The following KIDINS220 variants were observed in gnomAD, a reference collection of about 807,000 sequenced individuals.
The protein encoded by KIDINS220 is kinase D-interacting substrate of 220 kDa.
In KIDINS220, 63 loss-of-function variants were observed where a neutral mutation model predicts 157.6. The observed-to-expected ratio is 0.40, with a 90% CI of 0.33 to 0.49. KIDINS220 has a LOEUF of 0.49. Ranked by LOEUF, KIDINS220 falls within the 20% of genes least tolerant of loss-of-function variation. The pLI, the probability that KIDINS220 is intolerant of heterozygous loss-of-function variation, is 0.66. For missense variants in KIDINS220, 1,772 were observed against 2,171.2 expected (o/e 0.82, Z 3.65); for synonymous variants, 732 against 783.6 (o/e 0.93, Z 1.10).
chr2:8,758,381 G>C (rs1212990906), intron 22 of KIDINS220, among the ~76,000 whole-genome samples: 1 of 152,072 alleles, frequency 6.6e-6, no homozygotes, highest in Non-Finnish European at 1.5e-5. Flanking sequence ...CAATCCTCAG[G>C]AACAGATCCT....
chr2:8,769,370 T>C (rs1392795017), intron 22 of KIDINS220, among the ~76,000 whole-genome samples: 1 of 152,224 alleles, frequency 6.6e-6, no homozygotes, highest in East Asian at 1.9e-4. Context: ...TCTAAGAATC[T>C]AAAGCAGCCA....
chr2:8,806,436 ATGAATTTTAATAAAAATCTTACTT>A lies in KIDINS220; in HGVS notation c.505-91_505-68del, dbSNP rs559394008. On this transcript the variant is annotated intron_variant, in intron 6 of 29. Transcript: ENST00000256707. ...ATACTCAAAGAAACTAGCTCTTAACATGAATTTTAATAAAAATCTTACTTTTTATCATTCTCATAAAACTGTATA... is the reference window on the plus strand; with the variant it reads ...ATACTCAAAGAAACTAGCTCTTAACATTTATCATTCTCATAAAACTGTATA... 1.5e-3 allele frequency: 1,406 copies of A among 932,566 alleles called. 15 individuals carry two copies. The African/African-American group carries it at 0.022, about 14-fold the overall frequency. The allele number at this position is 932,566 out of a possible 1,614,324, so 57.8% of individuals were successfully genotyped here.
intron 26 of KIDINS220, among the ~76,000 whole-genome samples, chr2:8,744,433 T>A (rs1666260255): frequency 9.3e-6 from 1 of 107,710 alleles, no homozygotes; most frequent in African/African-American, 3.7e-5. Context: ...TATATATATA[T>A]ATATATATAT....
chr2:8,796,380 C>A (rs550814008), intron 11 of KIDINS220, among the ~76,000 whole-genome samples: 1 of 152,148 alleles, frequency 6.6e-6, no homozygotes, highest in Non-Finnish European at 1.5e-5. Context: ...CGCGGCAGAA[C>A]AAACACATTG....
Position 8,817,699 on chromosome 2 carries a change from A to C in KIDINS220, c.225T>G (p.Leu75=). 1 of 1,604,468 alleles carries C rather than the reference A, an allele frequency of 6.2e-7. No homozygotes were observed. ...NLEDLDNWTA[L]ISASKEGHVH... ...CATGCCCTTCTTTCGATGCAGATAT[A>C]AGTGCTGTCCAATTATCCTTGAACA... is the stretch of plus-strand genomic sequence containing the variant. Residue 75 remains leucine (L), a synonymous_variant, in exon 4 of 30, where the codon CTT becomes CTG. Coordinates refer to ENST00000256707, the MANE Select transcript of KIDINS220 (RefSeq NM_020738.4).
chr2:8,817,697 A>G lies in KIDINS220; in HGVS notation c.227T>C (p.Ile76Thr), dbSNP rs1302595828. 4.4e-6 allele frequency: 7 copies of G among 1,605,268 alleles called. No homozygotes were observed. Among genetic ancestry groups the G allele is most frequent in the Admixed American group, 3.4e-5 (2 of 58,980 alleles). The change falls in exon 4 of 30, where the codon ATA becomes ACA. Residue 76 changes from isoleucine to threonine, a missense_variant. Transcript: ENST00000256707. ...LEDLDNWTALISASKEGHVHI... is the reference protein window; with the variant it reads ...LEDLDNWTALTSASKEGHVHI... ...CACATGCCCTTCTTTCGATGCAGAT[A>G]TAAGTGCTGTCCAATTATCCTTGAA...
intron 22 of KIDINS220, among the ~76,000 whole-genome samples, chr2:8,756,303 T>C (rs1197974386): frequency 6.6e-6 from 1 of 152,238 alleles, no homozygotes; most frequent in Non-Finnish European, 1.5e-5. Flanking sequence ...GAAACACAAC[T>C]GATTTTTGTG....
chr2:8,824,018 A>G (rs1678392763), intron 2 of KIDINS220, among the ~76,000 whole-genome samples: 2 of 152,112 alleles, frequency 1.3e-5, no homozygotes, highest in Admixed American at 1.3e-4. Flanking sequence ...ATTTGTTTAA[A>G]GTCAAATAGA....
intron 7 of KIDINS220, among the ~76,000 whole-genome samples, chr2:8,805,369 C>T (rs1453644997): frequency 6.6e-6 from 1 of 152,146 alleles, no homozygotes; most frequent in Non-Finnish European, 1.5e-5. Context: ...GCTGTGAGTT[C>T]CAACCCTCTG....
chr2:8,736,799 C>G (rs995550621), intron 27 of KIDINS220, 69 bp downstream of exon 27: 5 of 1,525,466 alleles, frequency 3.3e-6, no homozygotes, highest in Non-Finnish European at 3.6e-6. Flanking sequence ...ATAAAGTTTA[C>G]ACGACCCACA....
intron 2 of KIDINS220, among the ~76,000 whole-genome samples, chr2:8,822,678 T>C (rs575646115): frequency 6.6e-6 from 1 of 152,132 alleles, no homozygotes; most frequent in African/African-American, 2.4e-5. Flanking sequence ...GCAAAATCCA[T>C]TGTTTAAAGT....
chr2:8,832,695 A>T (rs771397548), intron 1 of KIDINS220, among the ~76,000 whole-genome samples: 19 of 152,312 alleles, frequency 1.2e-4, no homozygotes, highest in African/African-American at 4.1e-4. Flanking sequence ...TAGAAAAAAA[A>T]ATGTTTCATC....
At chr2:8,796,483 T>C (rs895106570) in intron 11 of KIDINS220, among the ~76,000 whole-genome samples, 2 of 152,126 alleles carry the variant, frequency 1.3e-5, no homozygotes, top group Non-Finnish European at 2.9e-5. Flanking sequence ...TGCAGCAAGC[T>C]CTACCCTGAT....
chr2:8,803,185 C>A (rs2148332184), intron 7 of KIDINS220, 58 bp from the exon 8 acceptor site: 1 of 1,331,570 alleles, frequency 7.5e-7, no homozygotes, highest in Non-Finnish European at 1.0e-6. Flanking sequence ...TTAATGTATT[C>A]TAGAAAATAT....
downstream of KIDINS220, chr2:8,726,859 T>C: frequency 1.6e-6 from 2 of 1,237,266 alleles, no homozygotes; most frequent in Non-Finnish European, 2.1e-6. Flanking sequence ...TGACTGCAGC[T>C]GACTTCGAAA....
chr2:8,836,380 T>TA (rs1366371837), intron 1 of KIDINS220, among the ~76,000 whole-genome samples: 1 of 152,226 alleles, frequency 6.6e-6, no homozygotes, highest in African/African-American at 2.4e-5. Context: ...GTTCACACTG[T>TA]GTGTGAATGA....
At chr2:8,771,393 AC>A (rs1326962811) in intron 21 of KIDINS220, among the ~76,000 whole-genome samples, 1 of 152,130 alleles carries the variant, frequency 6.6e-6, no homozygotes, top group Non-Finnish European at 1.5e-5. Flanking sequence ...TTTTAAAACA[AC>A]CCTGTCTATT....
intron 26 of KIDINS220, among the ~76,000 whole-genome samples, chr2:8,741,868 AG>A (rs1479848019): frequency 6.6e-6 from 1 of 152,240 alleles, no homozygotes; most frequent in East Asian, 1.9e-4. Flanking sequence ...AAATTCAAAC[AG>A]AATAGTACAA....
At chr2:8,749,486 A>G in intron 24 of KIDINS220, 1 of 447,838 alleles carries the variant, frequency 2.2e-6, no homozygotes, top group Non-Finnish European at 4.5e-6. Flanking sequence ...ACTAAACTTG[A>G]CAGGGCCTGA....
Sources: gnomAD v4.1 joint callset for allele counts (sites outside exome capture counted in the v4.1 genomes callset) on GRCh38, gnomAD v4.1.1 for gene constraint, MANE v1.5 for transcripts, NCBI Gene and HGNC (gene_info 2026-07-23, HGNC 2026-07-21) for gene names.